FARS2: variants seen among roughly 807,000 people sequenced by gnomAD.
The protein encoded by FARS2 is phenylalanyl-tRNA synthetase 2, mitochondrial, also known as phenylalanine--tRNA ligase, mitochondrial.
A neutral mutation model predicts 46.4 loss-of-function variants in FARS2; 40 were observed. That is an observed-to-expected ratio of 0.86 (90% CI 0.67 to 1.12). FARS2 has a LOEUF of 1.12. Among genes scored for constraint, FARS2 ranks in the 50% most tolerant of loss-of-function variants. The pLI, the probability that FARS2 is intolerant of heterozygous loss-of-function variation, is 0.00. For synonymous variants in FARS2, 234 were observed against 214.9 expected (o/e 1.09, Z -0.78); for missense variants, 513 against 567.9 (o/e 0.90, Z 0.98).
At chr6:5,445,778 T>C (rs1360845045) in intron 4 of FARS2, among the ~76,000 whole-genome samples, 1 of 152,222 alleles carries the variant, frequency 6.6e-6, no homozygotes, top group African/African-American at 2.4e-5. Flanking sequence ...ATTTCTTCTA[T>C]GGATCCTGTC....
chr6:5,729,368 G>T (rs533649858), intron 6 of FARS2, among the ~76,000 whole-genome samples: 23 of 152,280 alleles, frequency 1.5e-4, no homozygotes, highest in African/African-American at 5.3e-4. Context: ...CAGCAGAGGC[G>T]AGGCTCAGAG....
intron 3 of FARS2, among the ~76,000 whole-genome samples, chr6:5,413,322 A>G (rs953117873): frequency 6.6e-6 from 1 of 152,238 alleles, no homozygotes; most frequent in African/African-American, 2.4e-5. Flanking sequence ...TAATTAAAAT[A>G]AAATTATTGG....
intron 4 of FARS2, among the ~76,000 whole-genome samples, chr6:5,470,304 A>G (rs1278606900): frequency 1.3e-5 from 2 of 152,246 alleles, no homozygotes; most frequent in African/African-American, 4.8e-5. Context: ...TTATAAGTAG[A>G]CGTAGAGATG....
At chr6:5,480,401 T>C (rs1198493812) in intron 4 of FARS2, among the ~76,000 whole-genome samples, 2 of 152,224 alleles carry the variant, frequency 1.3e-5, no homozygotes, top group South Asian at 2.1e-4. Flanking sequence ...GAAGTACATA[T>C]ACAGCTCAAA....
intron 3 of FARS2, among the ~76,000 whole-genome samples, chr6:5,417,625 C>G (rs1235803293): frequency 6.6e-6 from 1 of 152,126 alleles, no homozygotes; most frequent in Non-Finnish European, 1.5e-5. Context: ...CTTTGTTTTT[C>G]TGTACATAAT....
intron 6 of FARS2, among the ~76,000 whole-genome samples, chr6:5,716,615 C>T (rs1759508121): frequency 6.6e-6 from 1 of 152,232 alleles, no homozygotes; most frequent in East Asian, 1.9e-4. Context: ...AGGGCTCCAT[C>T]TCACCAGACT....
chr6:5,673,575 G>A (rs1354455648), intron 6 of FARS2, among the ~76,000 whole-genome samples: 4 of 152,160 alleles, frequency 2.6e-5, no homozygotes, highest in East Asian at 1.9e-4. Context: ...CCAGCTAAAC[G>A]TATGCTAGTT....
intron 1 of FARS2, among the ~76,000 whole-genome samples, chr6:5,361,959 A>G (rs1422884685): frequency 6.6e-6 from 1 of 152,218 alleles, no homozygotes; most frequent in African/African-American, 2.4e-5. Context: ...AACAACAAAC[A>G]TTTATTCAGT....
chr6:5,473,383 C>T (rs973130810), intron 4 of FARS2, among the ~76,000 whole-genome samples: 2 of 151,822 alleles, frequency 1.3e-5, no homozygotes, highest in African/African-American at 4.8e-5. Flanking sequence ...AAAAATTAGC[C>T]GGGAATGGTG....
chr6:5,316,988 C>T (rs749687387), intron 1 of FARS2, among the ~76,000 whole-genome samples: 37 of 152,164 alleles, frequency 2.4e-4, no homozygotes, highest in Non-Finnish European at 8.8e-5. Flanking sequence ...ACAGCCGGTA[C>T]AGCCCAGTAC....
intron 1 of FARS2, among the ~76,000 whole-genome samples, chr6:5,263,618 G>T (rs1485366222): frequency 1.3e-5 from 2 of 152,090 alleles, no homozygotes; most frequent in Non-Finnish European, 2.9e-5. Context: ...ATTCTATTCT[G>T]GGTTGAAATT....
Position 5,545,261 on chromosome 6 carries a change from T to C in FARS2, c.986T>C (p.Ile329Thr), listed in dbSNP as rs397514611. The C allele has an allele frequency of 1.9e-6, 3 of 1,614,088 alleles. No individual in the cohort carries two copies. Residue 329 changes from isoleucine to threonine, a missense_variant, in exon 5 of 7, where the codon ATC (isoleucine) becomes ACC (threonine). Ile to Thr is a moderately conservative substitution (Grantham distance 89). Coordinates refer to ENST00000274680, the MANE Select transcript of FARS2 (RefSeq NM_006567.5). ...LAMILYDIPD[I>T]RLFWCEDERF... Reference sequence around the variant, plus strand: ...ATGATCCTCTACGACATCCCTGATATCCGTCTCTTCTGGTGTGAGGACGAG... The same window carrying C: ...ATGATCCTCTACGACATCCCTGATACCCGTCTCTTCTGGTGTGAGGACGAG...
chr6:5,459,081 A>G lies in FARS2; in HGVS notation c.904+27909A>G, dbSNP rs547633546. ...CGTTAACATTGTCTCTTAATGTTCAACAGAACTGATGACACTGGTCCATGT... is the reference window on the plus strand; with the variant it reads ...CGTTAACATTGTCTCTTAATGTTCAGCAGAACTGATGACACTGGTCCATGT... On this transcript the variant is annotated intron_variant, in intron 4 of 6. Transcript: ENST00000274680. Among the ~76,000 whole-genome samples, 13 of 152,376 alleles carry G rather than the reference A, an allele frequency of 8.5e-5. 1 individual carries two copies. The South Asian group carries it at 2.7e-3, about 32-fold the overall frequency.
intron 4 of FARS2, among the ~76,000 whole-genome samples, chr6:5,437,370 G>A (rs192446432): frequency 1.3e-5 from 2 of 152,280 alleles, no homozygotes; most frequent in East Asian, 1.9e-4. Context: ...CAAGGTAATT[G>A]AATAGTGTTT....
At chr6:5,255,942 T>C in the FARS2 span, among the ~76,000 whole-genome samples, 170 of 152,296 alleles carry the variant, frequency 1.1e-3, no homozygotes, top group African/African-American at 3.7e-3. Flanking sequence ...ATTTGACTTA[T>C]GATGATAATT....
intron 5 of FARS2, among the ~76,000 whole-genome samples, chr6:5,577,940 T>G (rs1390963630): frequency 6.6e-6 from 1 of 152,182 alleles, no homozygotes; most frequent in Non-Finnish European, 1.5e-5. Context: ...TAGCTGGGAC[T>G]ACAGGCACTT....
intron 6 of FARS2, among the ~76,000 whole-genome samples, chr6:5,684,937 G>C (rs1757076327): frequency 6.6e-6 from 1 of 152,074 alleles, no homozygotes; most frequent in African/African-American, 2.4e-5. Flanking sequence ...TTCCCCCTTA[G>C]CAATCAAGGA....
intron 1 of FARS2, among the ~76,000 whole-genome samples, chr6:5,353,099 A>G (rs1357801094): frequency 6.6e-6 from 1 of 151,486 alleles, no homozygotes; most frequent in Non-Finnish European, 1.5e-5. Flanking sequence ...CCACTATTCT[A>G]CTCTTTGCTT....
chr6:5,755,556 A>G (rs1170654050), intron 6 of FARS2, among the ~76,000 whole-genome samples: 2 of 152,210 alleles, frequency 1.3e-5, no homozygotes, highest in African/African-American at 4.8e-5. Flanking sequence ...GTCTTTAAGC[A>G]TTTTAAACAT....
Sources: gnomAD v4.1 joint callset for allele counts (sites outside exome capture counted in the v4.1 genomes callset) on GRCh38, gnomAD v4.1.1 for gene constraint, MANE v1.5 for transcripts, NCBI Gene and HGNC (gene_info 2026-07-23, HGNC 2026-07-21) for gene names.